SMC4: variants seen among roughly 807,000 people sequenced by gnomAD.
The protein encoded by SMC4 is structural maintenance of chromosomes protein 4.
In SMC4, 87 loss-of-function variants were observed where a neutral mutation model predicts 145.6. That is an observed-to-expected ratio of 0.60 (90% CI 0.50 to 0.71). The LOEUF is 0.71. Ranked by LOEUF, SMC4 falls within the 30% of genes least tolerant of loss-of-function variation. The pLI is 0.00. For missense variants in SMC4, 1,447 were observed against 1,537.1 expected, an observed-to-expected ratio of 0.94 and a Z score of 0.98; for synonymous variants, 558 against 500.7, an observed-to-expected ratio of 1.11 and a Z score of -1.53.
chr3:160,419,432 A>C lies in SMC4; in HGVS notation c.1746A>C (p.Lys582Asn). Residue 582 changes from lysine to asparagine, a missense_variant, in exon 12 of 24, where the codon AAA (lysine) becomes AAC (asparagine). Physicochemically the swap from Lys to Asn is moderately conservative, Grantham distance 94. Coordinates refer to ENST00000357388, the MANE Select transcript of SMC4 (RefSeq NM_001002800.3). ...GTTTGGTTCATGATCTCTTTCAAAA[A>C]GTTGAAGAAGCAAAGAGCTCATTAG... ...FKSLVHDLFQ[K>N]VEEAKSSLAM... 3.1e-6 allele frequency: 5 copies of C among 1,612,692 alleles called. No individual in the cohort carries two copies. Among genetic ancestry groups the C allele is most frequent in the Non-Finnish European group, 4.2e-6 (5 of 1,179,666 alleles).
chr3:160,415,200 C>T, intron 9 of SMC4, among the ~76,000 whole-genome samples: 1 of 152,144 alleles, frequency 6.6e-6, no homozygotes, highest in Non-Finnish European at 1.5e-5. Flanking sequence ...AGTAAGATCC[C>T]ATCTCTACAG....
Position 160,423,775 on chromosome 3 carries a change from G to A in SMC4, c.2260G>A (p.Gly754Ser). The change falls in exon 15 of 24, where the codon GGT becomes AGT. Residue 754 changes from glycine to serine, a missense_variant. Physicochemically the swap from Gly to Ser is moderately conservative, Grantham distance 56. Coordinates refer to ENST00000357388, the MANE Select transcript of SMC4 (RefSeq NM_001002800.3). ...IIEQSGTMTGGGSKVMKGRMG... is the reference protein window; with the variant it reads ...IIEQSGTMTGSGSKVMKGRMG... ...CTGTTTTCCAGGTACAATGACTGGTGGTGGAAGCAAAGTAATGAAAGGAAG... is the reference window on the plus strand; with the variant it reads ...CTGTTTTCCAGGTACAATGACTGGTAGTGGAAGCAAAGTAATGAAAGGAAG... The A allele has an allele frequency of 6.2e-7, 1 of 1,613,632 alleles. No individual in the cohort carries two copies. The highest frequency in any genetic ancestry group is 8.5e-7 in the Non-Finnish European group (1 of 1,179,792).
chr3:160,405,111 A>T (rs1372108398), intron 5 of SMC4, among the ~76,000 whole-genome samples: 1 of 152,060 alleles, frequency 6.6e-6, no homozygotes, highest in Non-Finnish European at 1.5e-5. Context: ...TACTACTGAA[A>T]GAACGAAACT....
Position 160,425,024 on chromosome 3 carries a change from G to GTGTGTGTGTGTGTGTC in SMC4, c.2478+20_2478+21insCTGTGTGTGTGTGTGT. On this transcript the variant is annotated splice_donor_region_variant and intron_variant, in intron 16 of 23. Transcript: ENST00000357388. Reference sequence around the variant, plus strand: ...AAATTTACTGCAAGCATCCAGGTATGTGTGTGTGTGTGTGTGTGTGTGTGT... The same window carrying GTGTGTGTGTGTGTGTC: ...AAATTTACTGCAAGCATCCAGGTATGTGTGTGTGTGTGTGTCTGTGTGTGTGTGTGTGTGTGTGTGT... 1 of 627,890 alleles carries GTGTGTGTGTGTGTGTC rather than the reference G, an allele frequency of 1.6e-6. No individual in the cohort carries two copies. The highest frequency in any genetic ancestry group is 2.2e-6 in the Non-Finnish European group (1 of 447,200). 38.9% of individuals were successfully genotyped at this position (627,890 alleles called of 1,614,324 possible).
Position 160,433,215 on chromosome 3 carries a change from TA to T in SMC4, c.3714+8del. 1.3e-6 allele frequency: 2 copies of T among 1,594,234 alleles called. No individual in the cohort carries two copies. The highest frequency in any genetic ancestry group is 1.7e-6 in the Non-Finnish European group (2 of 1,166,934). On this transcript the variant is annotated splice_region_variant and intron_variant, in intron 23 of 23. Coordinates refer to ENST00000357388, the MANE Select transcript of SMC4 (RefSeq NM_001002800.3). The stretch of plus-strand genomic sequence containing the variant: ...TTGTTGCATTTTATATATATGTAAG[TA>T]ATCATTTTGGGATTTTCATTCCAGA...
At chr3:160,409,983 GGCGGATC>G (rs768950273) in intron 5 of SMC4, among the ~76,000 whole-genome samples, 10 of 152,078 alleles carry the variant, frequency 6.6e-5, no homozygotes, top group Non-Finnish European at 1.5e-4. Context: ...CACTGAGGTG[GGCGGATC>G]GCTTGAGTCT....
At chr3:160,423,380 T>C (rs2108489911) in intron 13 of SMC4, 45 bp from the exon 14 acceptor site, 1 of 1,220,334 alleles carries the variant, frequency 8.2e-7, no homozygotes, top group East Asian at 2.5e-5. Context: ...TGAGTTTTCT[T>C]TTTTGTTAAC....
chr3:160,411,847 G>C, intron 5 of SMC4, 73 bp from the exon 6 acceptor site: 1 of 1,271,524 alleles, frequency 7.9e-7, no homozygotes, highest in Non-Finnish European at 1.1e-6. Flanking sequence ...TTATTTAACT[G>C]CTCCCAATTC....
Position 160,400,811 on chromosome 3 carries a change from C to G in SMC4, c.-5-11C>G. Reference sequence around the variant, plus strand: ...CGGGCTGACTTGCTCCCGGCTGTCCCCCGGCCCCAGCGACCATGCCCCGTA... The same window carrying G: ...CGGGCTGACTTGCTCCCGGCTGTCCGCCGGCCCCAGCGACCATGCCCCGTA... On this transcript the variant is annotated splice_polypyrimidine_tract_variant and intron_variant, in intron 1 of 23. Coordinates refer to ENST00000357388, the MANE Select transcript of SMC4 (RefSeq NM_001002800.3). 2 of 1,517,586 alleles carry G rather than the reference C, an allele frequency of 1.3e-6. No homozygotes were observed. Among genetic ancestry groups the G allele is most frequent in the East Asian group, 2.8e-5 (1 of 35,756 alleles). 94.0% of individuals were successfully genotyped at this position (1,517,586 alleles called of 1,614,324 possible). A position where few individuals can be genotyped will look rare whatever the true frequency, so the allele number is the denominator to read the frequency against.
chr3:160,402,684 C>T lies in SMC4; in HGVS notation c.327C>T (p.Ser109=). ...KILGPFHKRF[S]CIIGPNGSGK... ...TTGTTTTTTTAATGCAGCGCTTTTC[C>T]TGTATTATCGGGCCAAATGGCAGTG... The change falls in exon 4 of 24, where the codon TCC becomes TCT. Residue 109 remains serine, a synonymous_variant. Transcript: ENST00000357388. 6.2e-7 allele frequency: 1 copy of T among 1,604,712 alleles called. No homozygotes were observed. Among genetic ancestry groups the T allele is most frequent in the Non-Finnish European group, 8.5e-7 (1 of 1,177,478 alleles).
At chr3:160,401,846 A>G in intron 2 of SMC4, 69 bp from the exon 3 acceptor site, 1 of 1,230,758 alleles carries the variant, frequency 8.1e-7, no homozygotes, top group Non-Finnish European at 1.1e-6. Flanking sequence ...AGTTCTCCGA[A>G]CTAATTGCAC....
At chr3:160,426,538 A>G (rs2108496319) in intron 17 of SMC4, among the ~76,000 whole-genome samples, 1 of 152,352 alleles carries the variant, frequency 6.6e-6, no homozygotes, top group Non-Finnish European at 1.5e-5. Flanking sequence ...TATCACTCAG[A>G]TAACACAGGG....
At chr3:160,416,490 A>AAG in intron 10 of SMC4, 75 bp downstream of exon 10, 1 of 974,858 alleles carries the variant, frequency 1.0e-6, no homozygotes. Flanking sequence ...TTTTTCAAAA[A>AAG]TACTGAAACC....
At chr3:160,432,618 C>T in intron 22 of SMC4, 103 bp downstream of exon 22, 1 of 745,536 alleles carries the variant, frequency 1.3e-6, no homozygotes, top group South Asian at 2.1e-5. Context: ...AGATGTACAA[C>T]TTGTTTCATT....
chr3:160,423,602 A>G lies in SMC4; in HGVS notation c.2197A>G (p.Arg733Gly), dbSNP rs1717437189. 1 of 1,613,622 alleles carries G rather than the reference A, an allele frequency of 6.2e-7. No homozygotes were observed. The highest frequency in any genetic ancestry group is 1.3e-5 in the African/African-American group (1 of 74,920). ...CACAAGAGTAGCATATCAAAAAGAT[A>G]GAAGATGGAGAGTGGTAACTTTACA... ...QATRVAYQKD[R>G]RWRVVTLQGQ... The change falls in exon 14 of 24, where the codon AGA becomes GGA. Residue 733 changes from arginine (R) to glycine (G), a missense_variant. By Grantham distance (125) the Arg-to-Gly change is moderately radical (BLOSUM62 -2). Coordinates refer to ENST00000357388, the MANE Select transcript of SMC4 (RefSeq NM_001002800.3).
At chr3:160,411,369 A>G (rs1715974677) in intron 5 of SMC4, among the ~76,000 whole-genome samples, 1 of 152,134 alleles carries the variant, frequency 6.6e-6, no homozygotes, top group Admixed American at 6.5e-5. Context: ...GTTTTTGACT[A>G]CCTTTGAAAC....
intron 3 of SMC4, among the ~76,000 whole-genome samples, chr3:160,402,385 A>AT (rs59649836): frequency 4.0e-5 from 6 of 151,460 alleles, no homozygotes; most frequent in Non-Finnish European, 7.4e-5. Flanking sequence ...CCCTTGGATA[A>AT]TTTTTTTTTC....
At position 160,432,267 on chromosome 3, in the gene SMC4, CAT is replaced by C; in HGVS notation, c.3298-14_3298-13del. ...ATTTATCTGAATAGATTTTCCCTATCATAATCTTTTCACAGGAAGAATTGTAT... is the reference window on the plus strand; with the variant it reads ...ATTTATCTGAATAGATTTTCCCTATCAATCTTTTCACAGGAAGAATTGTAT... On this transcript the variant is annotated splice_polypyrimidine_tract_variant and intron_variant, in intron 21 of 23. Transcript: ENST00000357388. 1 of 1,501,800 alleles carries C rather than the reference CAT, an allele frequency of 6.7e-7. No individual in the cohort carries two copies. Among genetic ancestry groups the C allele is most frequent in the Non-Finnish European group, 9.2e-7 (1 of 1,091,726 alleles). The allele number at this position is 1,501,800 out of a possible 1,614,324, so 93.0% of individuals were successfully genotyped here. A position where few individuals can be genotyped will look rare whatever the true frequency, so the allele number is the denominator to read the frequency against.
intron 9 of SMC4, 35 bp from the exon 10 acceptor site, chr3:160,416,216 G>GATGT (rs1559999996): frequency 1.4e-6 from 2 of 1,464,096 alleles, no homozygotes; most frequent in African/African-American, 2.8e-5. Flanking sequence ...GTAACATAAA[G>GATGT]ATGTATGCTC....
Sources: gnomAD v4.1 joint callset for allele counts (sites outside exome capture counted in the v4.1 genomes callset) on GRCh38, gnomAD v4.1.1 for gene constraint, MANE v1.5 for transcripts, NCBI Gene and HGNC (gene_info 2026-07-23, HGNC 2026-07-21) for gene names.